Variants in NEDD9 observed in about 807,000 individuals in gnomAD.
The protein encoded by NEDD9 is neural precursor cell expressed, developmentally down-regulated 9.
In NEDD9, 26 loss-of-function variants were observed where a neutral mutation model predicts 76.6. The ratio of observed to expected loss-of-function variants is 0.34; its 90% CI spans 0.25 to 0.47. NEDD9 has a LOEUF of 0.47. Ranked by LOEUF, NEDD9 falls within the 20% of genes least tolerant of loss-of-function variation. The pLI, the probability that NEDD9 is intolerant of heterozygous loss-of-function variation, is 1.00. For synonymous variants in NEDD9, 392 were observed against 414.2 expected, an observed-to-expected ratio of 0.95 and a Z score of 0.65; for missense variants, 937 against 1,058.5, an observed-to-expected ratio of 0.89 and a Z score of 1.59.
chr6:11,185,773 T>A, intron 6 of NEDD9, 102 bp from the exon 7 acceptor site: 1 of 1,376,462 alleles, frequency 7.3e-7, no homozygotes, highest in Non-Finnish European at 9.9e-7. Flanking sequence ...TAGTCGCTAG[T>A]AACTGTCAGA....
chr6:11,320,187 CTGTAT>C (rs1447243687), intron 2 of NEDD9, among the ~76,000 whole-genome samples: 2 of 152,128 alleles, frequency 1.3e-5, no homozygotes, highest in Non-Finnish European at 2.9e-5. Flanking sequence ...CTGAGTTGAA[CTGTAT>C]TTTGTTACTC....
At chr6:11,187,546 A>G (rs2113711521) in intron 6 of NEDD9, among the ~76,000 whole-genome samples, 1 of 152,184 alleles carries the variant, frequency 6.6e-6, no homozygotes, top group South Asian at 2.1e-4. Context: ...GTAGAGACAG[A>G]AAGAGAGAGA....
intron 1 of NEDD9, among the ~76,000 whole-genome samples, chr6:11,358,680 G>A (rs931438015): frequency 6.6e-6 from 1 of 152,162 alleles, no homozygotes; most frequent in African/African-American, 2.4e-5. Flanking sequence ...TGACCTGCGT[G>A]CCACTCTTAA....
intron 2 of NEDD9, among the ~76,000 whole-genome samples, chr6:11,325,330 G>A (rs1283400059): frequency 6.6e-6 from 1 of 151,354 alleles, no homozygotes; most frequent in African/African-American, 2.4e-5. Context: ...ACTCCAGCCT[G>A]GGTGACAGAG....
chr6:11,355,938 G>C (rs567658271), intron 1 of NEDD9, among the ~76,000 whole-genome samples: 1 of 152,174 alleles, frequency 6.6e-6, no homozygotes, highest in African/African-American at 2.4e-5. Context: ...AGCCAGGATG[G>C]TCTCGATCTC....
intron 1 of NEDD9, among the ~76,000 whole-genome samples, chr6:11,341,245 G>A (rs1762267418): frequency 6.6e-6 from 1 of 152,172 alleles, no homozygotes. Flanking sequence ...ACACCAGACT[G>A]CAAAAATGGG....
At chr6:11,277,000 CAG>C (rs555287390) in intron 3 of NEDD9, among the ~76,000 whole-genome samples, 247 of 152,084 alleles carry the variant, frequency 1.6e-3, no homozygotes, top group African/African-American at 5.6e-3. Context: ...AGAGTCACTG[CAG>C]AGTTTCCAAG....
intron 1 of NEDD9, among the ~76,000 whole-genome samples, chr6:11,367,877 A>G (rs973829808): frequency 2.0e-5 from 3 of 152,176 alleles, no homozygotes; most frequent in Admixed American, 6.5e-5. Context: ...CCCCTTGCAA[A>G]TAAGTCCGGC....
rs116381172 is a variant in NEDD9, at chr6:11,353,922, A to G, written c.-213-19361T>C. On this transcript the variant is annotated intron_variant, in intron 1 of 3. Coordinates refer to the NEDD9 transcript ENST00000397378. ...AAGGGACTCAAATGAATGTCAGGGC[A>G]GGAAGAGTGATGGGGGCCATAATTC... is the stretch of plus-strand genomic sequence containing the variant. Among the ~76,000 whole-genome samples, 559 of 152,356 alleles carry G rather than the reference A, an allele frequency of 3.7e-3. 7 individuals carry two copies. Among genetic ancestry groups the G allele is most frequent in the African/African-American group, 0.013 (521 of 41,582 alleles).
At chr6:11,293,574 C>T (rs183141657) in intron 3 of NEDD9, among the ~76,000 whole-genome samples, 1 of 152,326 alleles carries the variant, frequency 6.6e-6, no homozygotes, top group Admixed American at 6.5e-5. Flanking sequence ...ATAATTACCA[C>T]AACCAAGCTA....
intron 3 of NEDD9, among the ~76,000 whole-genome samples, chr6:11,304,718 A>G (rs976023846): frequency 6.6e-6 from 1 of 152,218 alleles, no homozygotes; most frequent in African/African-American, 2.4e-5. Flanking sequence ...AGAAAACCAA[A>G]CATTGCATGT....
At chr6:11,217,276 G>T (rs1758981981) in intron 1 of NEDD9, among the ~76,000 whole-genome samples, 1 of 152,150 alleles carries the variant, frequency 6.6e-6, no homozygotes, top group Non-Finnish European at 1.5e-5. Context: ...GAAGTGGAGG[G>T]ATCCTCTCCT....
intron 3 of NEDD9, among the ~76,000 whole-genome samples, chr6:11,255,729 A>C (rs532112095): frequency 6.6e-6 from 1 of 152,184 alleles, no homozygotes; most frequent in East Asian, 1.9e-4. Flanking sequence ...GAGATCTGTT[A>C]AGGATTTTTC....
intron 2 of NEDD9, chr6:11,200,714 C>T: frequency 7.6e-7 from 1 of 1,312,064 alleles, no homozygotes; most frequent in Non-Finnish European, 9.7e-7. Flanking sequence ...AATTTCAAAC[C>T]AAAGCAGCAA....
intron 4 of NEDD9, 91 bp downstream of exon 4, chr6:11,192,254 G>T: frequency 1.5e-6 from 1 of 650,826 alleles, no homozygotes; most frequent in Non-Finnish European, 2.5e-6. Flanking sequence ...TTATTCGAGT[G>T]AACTACTTAC....
intron 3 of NEDD9, among the ~76,000 whole-genome samples, chr6:11,291,445 T>C (rs1760768319): frequency 6.6e-6 from 1 of 151,984 alleles, no homozygotes; most frequent in Non-Finnish European, 1.5e-5. Flanking sequence ...CAGCTAATTT[T>C]TTGTATTTTT....
intron 3 of NEDD9, among the ~76,000 whole-genome samples, chr6:11,277,636 A>T (rs1470547272): frequency 1.3e-5 from 2 of 152,214 alleles, no homozygotes; most frequent in African/African-American, 2.4e-5. Flanking sequence ...CAAGGAGGCT[A>T]GGACATCTTA....
At chr6:11,352,732 T>C (rs1204583460) in intron 1 of NEDD9, 2 of 152,182 alleles carry the variant, frequency 1.3e-5, no homozygotes, top group East Asian at 3.9e-4. Flanking sequence ...AAGATCTCAG[T>C]TAATACAGGT....
In NEDD9 at chr6:11,191,215, A is replaced by G. The variant is rs759404119; in HGVS notation, c.664-10T>C. On this transcript the variant is annotated splice_polypyrimidine_tract_variant and intron_variant, in intron 4 of 6. Coordinates refer to ENST00000379446, the MANE Select transcript of NEDD9 (RefSeq NM_006403.4). The stretch of plus-strand genomic sequence containing the variant: ...GCGGAATGGCATATACCTGCAAAGC[A>G]AGTAGAAAGCGAAATGCTATTTATT... 7.0e-6 allele frequency: 11 copies of G among 1,569,210 alleles called. No homozygotes were observed. In the South Asian group the frequency reaches 1.3e-4, roughly 19 times the overall value.
Sources: allele counts gnomAD v4.1 joint callset (sites outside exome capture counted in the v4.1 genomes callset), GRCh38; gene constraint gnomAD v4.1.1; transcripts MANE v1.5; gene names NCBI Gene and HGNC (gene_info 2026-07-23, HGNC 2026-07-21).